The following PPP2R5E variants were observed in gnomAD, a reference collection of about 807,000 sequenced individuals.
The protein encoded by PPP2R5E is serine/threonine-protein phosphatase 2A 56 kDa regulatory subunit epsilon isoform.
In PPP2R5E, 4 loss-of-function variants were observed where a neutral mutation model predicts 65.3. The observed-to-expected ratio is 0.06, with a 90% CI of 0.03 to 0.14. The LOEUF (loss-of-function observed/expected upper bound fraction) is 0.14, where lower values mean the gene tolerates loss of function less well. Ranked by LOEUF, PPP2R5E falls within the 10% of genes least tolerant of loss-of-function variation. The probability of loss-of-function intolerance (pLI) is 1.00; values close to 1 mark genes in which losing one functional copy is unlikely to be tolerated. For synonymous variants in PPP2R5E, 183 were observed against 187.4 expected (o/e 0.98, Z 0.19); for missense variants, 274 against 556.1 (o/e 0.49, Z 5.10).
chr14:63,389,349 C>T (rs1338418839), intron 11 of PPP2R5E, among the ~76,000 whole-genome samples: 1 of 151,878 alleles, frequency 6.6e-6, no homozygotes, highest in Non-Finnish European at 1.5e-5. Flanking sequence ...TCAGTGTTCA[C>T]ATCTGTATGT....
chr14:63,396,891 C>T (rs1025313810), intron 5 of PPP2R5E, among the ~76,000 whole-genome samples, 175 bp from the exon 6 acceptor site: 2 of 152,178 alleles, frequency 1.3e-5, no homozygotes, highest in Admixed American at 6.5e-5. Context: ...AGACAAGGAG[C>T]TTATATTCCA....
chr14:63,522,864 G>A (rs1892999981), intron 2 of PPP2R5E, among the ~76,000 whole-genome samples: 1 of 150,836 alleles, frequency 6.6e-6, no homozygotes, highest in South Asian at 2.1e-4. Context: ...GAGGTGGGGG[G>A]GGTCAGCCCC....
At chr14:63,513,523 A>T (rs975853090) in intron 2 of PPP2R5E, among the ~76,000 whole-genome samples, 1 of 152,238 alleles carries the variant, frequency 6.6e-6, no homozygotes, top group Non-Finnish European at 1.5e-5. Context: ...GGATAAAAAC[A>T]TGGAGAACCT....
chr14:63,440,295 A>G (rs939576801), intron 3 of PPP2R5E, among the ~76,000 whole-genome samples: 1 of 152,138 alleles, frequency 6.6e-6, no homozygotes, highest in African/African-American at 2.4e-5. Flanking sequence ...GTGGTAGGGT[A>G]GAGAGAAAAA....
intron 3 of PPP2R5E, among the ~76,000 whole-genome samples, chr14:63,447,011 G>A (rs1216286770): frequency 2.0e-5 from 3 of 152,142 alleles, no homozygotes; most frequent in Admixed American, 1.3e-4. Context: ...TGGACCATGT[G>A]TAAACAGAAG....
rs1884786185 is a variant in PPP2R5E, at chr14:63,388,129, CT to C, written c.1074+1482del. Among the ~76,000 whole-genome samples, 5 of 144,006 alleles carry C rather than the reference CT, an allele frequency of 3.5e-5. No homozygotes were observed. In the East Asian group the frequency reaches 6.2e-4, roughly 18 times the overall value. The allele number at this position is 144,006 out of a possible 152,430, so 94.5% of individuals were successfully genotyped here. ...GTGATGCTCTTTTTTTTTTTTTCTC[CT>C]TTCTTTTTTCTTTCTTTTTTTGTTT... On this transcript the variant is annotated intron_variant, in intron 11 of 13. Transcript: ENST00000337537.
chr14:63,539,418 T>C, intron 2 of PPP2R5E, 111 bp downstream of exon 2: 1 of 1,155,414 alleles, frequency 8.7e-7, no homozygotes, highest in Non-Finnish European at 1.2e-6. Flanking sequence ...GTATGTGAAG[T>C]ATCCCATCCC....
chr14:63,520,409 GA>G (rs1362215855), intron 2 of PPP2R5E, among the ~76,000 whole-genome samples: 3 of 152,154 alleles, frequency 2.0e-5, no homozygotes, highest in Admixed American at 2.0e-4. Context: ...AACCTTCCCT[GA>G]ATGGCCACCC....
chr14:63,493,073 G>A (rs369802494), intron 2 of PPP2R5E, among the ~76,000 whole-genome samples: 2 of 152,120 alleles, frequency 1.3e-5, no homozygotes, highest in South Asian at 2.1e-4. Flanking sequence ...AGTGTGGCAC[G>A]CAGCCATAAG....
In PPP2R5E at chr14:63,405,386, A is replaced by G. The variant is rs571643268; in HGVS notation, c.550-8670T>C. Among the ~76,000 whole-genome samples, 118 of 152,346 alleles carry G rather than the reference A, an allele frequency of 7.7e-4. 1 individual carries two copies. Among genetic ancestry groups the G allele is most frequent in the African/African-American group, 2.7e-3 (111 of 41,582 alleles). On this transcript the variant is annotated intron_variant, in intron 5 of 13. Transcript: ENST00000337537. ...TTTTTTTAATAGGTTGGTTTGTGTC[A>G]TGTCCAATTTGTCTTGAGTTTTTAA...
intron 3 of PPP2R5E, among the ~76,000 whole-genome samples, chr14:63,448,840 C>T (rs1402185504): frequency 2.1e-5 from 3 of 144,068 alleles, no homozygotes; most frequent in East Asian, 2.0e-4. Context: ...TGCAATAAAA[C>T]GAGGTGTGCA....
chr14:63,386,324 C>T (rs1181598696), intron 11 of PPP2R5E, among the ~76,000 whole-genome samples: 1 of 152,214 alleles, frequency 6.6e-6, no homozygotes. Flanking sequence ...TTCCTCACAA[C>T]CAACAGAGTT....
Position 63,506,615 on chromosome 14 carries a change from G to C in PPP2R5E, c.157+32914C>G, listed in dbSNP as rs886091960. Among the ~76,000 whole-genome samples, 9 of 152,184 alleles carry C rather than the reference G, an allele frequency of 5.9e-5. No individual in the cohort carries two copies. The East Asian group carries it at 1.5e-3, about 26-fold the overall frequency. On this transcript the variant is annotated intron_variant, in intron 2 of 13. Transcript: ENST00000337537. ...AGGAAATGCAAATCACACCCAATAA[G>C]ATGACTATCATCAAAAAGAGAGAAA...
chr14:63,404,172 G>A (rs1011618066), intron 5 of PPP2R5E, among the ~76,000 whole-genome samples: 1 of 152,098 alleles, frequency 6.6e-6, no homozygotes, highest in Non-Finnish European at 1.5e-5. Flanking sequence ...TTAAAAGTAG[G>A]CATTATCAAA....
chr14:63,417,640 T>C (rs746418524), intron 4 of PPP2R5E, among the ~76,000 whole-genome samples: 12 of 152,210 alleles, frequency 7.9e-5, no homozygotes, highest in Non-Finnish European at 1.6e-4. Context: ...AAATGTGTGC[T>C]TGAGGGTCAA....
intron 5 of PPP2R5E, among the ~76,000 whole-genome samples, chr14:63,408,489 C>A (rs372979661): frequency 1.1e-3 from 167 of 152,270 alleles, no homozygotes; most frequent in African/African-American, 3.9e-3. Context: ...CTATTATGTT[C>A]CATTCTACTG....
At chr14:63,382,681 G>A (rs151030832) in intron 12 of PPP2R5E, among the ~76,000 whole-genome samples, 18 of 152,218 alleles carry the variant, frequency 1.2e-4, no homozygotes, top group Admixed American at 2.0e-4. Context: ...GATTATAGGC[G>A]TGAGCCACCA....
At chr14:63,440,783 CAAA>C (rs763718989) in intron 3 of PPP2R5E, among the ~76,000 whole-genome samples, 2 of 108,818 alleles carry the variant, frequency 1.8e-5, no homozygotes, top group African/African-American at 7.5e-5. Context: ...CTAAAAAATA[CAAA>C]AAAAAAAAAA....
At chr14:63,499,596 G>A (rs1344117937) in intron 2 of PPP2R5E, among the ~76,000 whole-genome samples, 7 of 152,116 alleles carry the variant, frequency 4.6e-5, no homozygotes, top group African/African-American at 1.7e-4. Flanking sequence ...TGGTGGCACT[G>A]CGTGCCTGTA....
Sources: gnomAD v4.1 joint callset for allele counts (sites outside exome capture counted in the v4.1 genomes callset) on GRCh38, gnomAD v4.1.1 for gene constraint, MANE v1.5 for transcripts, NCBI Gene and HGNC (gene_info 2026-07-23, HGNC 2026-07-21) for gene names.